GPATCH1: variants seen among roughly 807,000 people sequenced by gnomAD.
GPATCH1 encodes G-patch domain containing 1.
In GPATCH1, 73 loss-of-function variants were observed where a neutral mutation model predicts 114.9. That is an observed-to-expected ratio of 0.64 (90% CI 0.53 to 0.77). The LOEUF (loss-of-function observed/expected upper bound fraction) is 0.77. Among genes scored for constraint, GPATCH1 ranks in the 30% least tolerant of loss-of-function variants. The pLI, the probability that GPATCH1 is intolerant of heterozygous loss-of-function variation, is 0.00. For synonymous variants in GPATCH1, 391 were observed against 428.4 expected (o/e 0.91, Z 1.08); for missense variants, 1,058 against 1,144.3 (o/e 0.92, Z 1.09).
intron 19 of GPATCH1, among the ~76,000 whole-genome samples, chr19:33,127,954 G>T (rs1973061851): frequency 6.6e-6 from 1 of 152,118 alleles, no homozygotes; most frequent in African/African-American, 2.4e-5. Flanking sequence ...CTGACCTCAG[G>T]TGATACACCC....
chr19:33,089,948 T>C (rs1389097108), intron 2 of GPATCH1, among the ~76,000 whole-genome samples: 7 of 152,004 alleles, frequency 4.6e-5, no homozygotes, highest in African/African-American at 1.4e-4. Flanking sequence ...AATTGATTTA[T>C]TTTTTGAGAC....
chr19:33,106,195 G>A (rs900070153), intron 9 of GPATCH1, among the ~76,000 whole-genome samples: 1 of 151,864 alleles, frequency 6.6e-6, no homozygotes, highest in South Asian at 2.1e-4. Flanking sequence ...ATAGAGATGG[G>A]GTCTCATTCT....
chr19:33,098,720 G>C (rs1972691785), intron 8 of GPATCH1, among the ~76,000 whole-genome samples: 1 of 152,120 alleles, frequency 6.6e-6, no homozygotes, highest in Non-Finnish European at 1.5e-5. Flanking sequence ...CAAAGCACCT[G>C]TCCCAAAGAC....
At chr19:33,130,086 T>G (rs766385229) in intron 19 of GPATCH1, 44 bp from the exon 20 acceptor site, 30 of 1,258,976 alleles carry the variant, frequency 2.4e-5, no homozygotes, top group Admixed American at 4.9e-5. Flanking sequence ...GGTTTTTCAC[T>G]TTAGCTAACT....
chr19:33,129,022 C>T (rs994307438), intron 19 of GPATCH1, among the ~76,000 whole-genome samples: 10 of 151,980 alleles, frequency 6.6e-5, no homozygotes, highest in South Asian at 4.2e-4. Flanking sequence ...CCGAGGCAGG[C>T]GGATCATGAG....
At position 33,106,589 on chromosome 19, in the gene GPATCH1, C is replaced by T. The variant is rs35492529; in HGVS notation, c.1081-106C>T. ...GCTACCTGCCTGCTGAGTGTTAACC[C>T]GGGAAGGGGCGGGGTTAACAAGGCT... On this transcript the variant is annotated intron_variant, in intron 9 of 19. Coordinates refer to ENST00000170564, the MANE Select transcript of GPATCH1 (RefSeq NM_018025.3). 133 of 869,550 alleles carry T rather than the reference C, an allele frequency of 1.5e-4. 1 individual carries two copies. In the East Asian group the frequency reaches 2.8e-3, roughly 19 times the overall value. 53.9% of individuals were successfully genotyped at this position (869,550 alleles called of 1,614,324 possible).
At chr19:33,118,678 T>A (rs1461143981) in intron 16 of GPATCH1, among the ~76,000 whole-genome samples, 1 of 152,202 alleles carries the variant, frequency 6.6e-6, no homozygotes, top group Non-Finnish European at 1.5e-5. Context: ...GTTTGTAAGA[T>A]TTTCCTTCTC....
chr19:33,126,461 A>G, intron 18 of GPATCH1, 127 bp from the exon 19 acceptor site: 1 of 1,381,934 alleles, frequency 7.2e-7, no homozygotes, highest in South Asian at 1.3e-5. Flanking sequence ...ACTCTCACTC[A>G]CTCTAAATGA....
chr19:33,082,410 T>G (rs1972488532), intron 1 of GPATCH1, among the ~76,000 whole-genome samples: 1 of 152,186 alleles, frequency 6.6e-6, no homozygotes, highest in Non-Finnish European at 1.5e-5. Flanking sequence ...GTCCCCTCCC[T>G]TTTTTCACCC....
intron 3 of GPATCH1, among the ~76,000 whole-genome samples, chr19:33,091,413 CAAAAAAAAAAA>C (rs1184888892): frequency 4.5e-5 from 2 of 44,942 alleles, no homozygotes; most frequent in Non-Finnish European, 8.8e-5. Context: ...GACTCCGTCT[CAAAAAAAAAAA>C]AAAAAAAAAA....
intron 1 of GPATCH1, among the ~76,000 whole-genome samples, chr19:33,082,641 T>G (rs958587050): frequency 6.6e-6 from 1 of 151,964 alleles, no homozygotes; most frequent in Non-Finnish European, 1.5e-5. Context: ...GTCAGGAGTT[T>G]GAGACCAGCC....
intron 10 of GPATCH1, among the ~76,000 whole-genome samples, chr19:33,108,764 T>G (rs987683671): frequency 2.6e-5 from 4 of 152,116 alleles, no homozygotes; most frequent in Non-Finnish European, 5.9e-5. Context: ...CTCATGAGTG[T>G]TTGTCCCATT....
At chr19:33,097,523 G>T (rs1442395197) in intron 7 of GPATCH1, among the ~76,000 whole-genome samples, 2 of 152,178 alleles carry the variant, frequency 1.3e-5, no homozygotes, top group East Asian at 3.9e-4. Context: ...CATGGCTGTT[G>T]TGGGGACTGG....
intron 3 of GPATCH1, 51 bp downstream of exon 3, chr19:33,090,916 T>G (rs1972587512): frequency 1.7e-6 from 2 of 1,154,336 alleles, no homozygotes; most frequent in Non-Finnish European, 2.6e-6. Flanking sequence ...CAGGTCTAGT[T>G]GGTTGCTGTA....
intron 17 of GPATCH1, among the ~76,000 whole-genome samples, chr19:33,120,805 C>T (rs377756351): frequency 7.3e-5 from 11 of 151,692 alleles, no homozygotes; most frequent in South Asian, 2.1e-4. Context: ...CTGGCTAACA[C>T]GGTGAAACCC....
chr19:33,105,513 A>AGTT (rs941544537), intron 9 of GPATCH1, among the ~76,000 whole-genome samples: 3 of 151,514 alleles, frequency 2.0e-5, no homozygotes, highest in African/African-American at 4.9e-5. Flanking sequence ...AAATAACTAC[A>AGTT]GTTATTATTA....
At chr19:33,108,577 A>G (rs940808263) in intron 10 of GPATCH1, among the ~76,000 whole-genome samples, 1 of 150,790 alleles carries the variant, frequency 6.6e-6, no homozygotes, top group Non-Finnish European at 1.5e-5. Context: ...ACCACCATAT[A>G]ATCTGGTTAT....
chr19:33,102,058 G>A (rs1010551483), intron 9 of GPATCH1, among the ~76,000 whole-genome samples: 3 of 150,906 alleles, frequency 2.0e-5, no homozygotes, highest in Admixed American at 2.0e-4. Flanking sequence ...AGTTGGCCAG[G>A]CGTGGTGGCT....
chr19:33,090,872 G>C lies in GPATCH1; in HGVS notation c.294+7G>C. ...AGATTTTATGGATGAAGAGGTGCGTGTGCAAAACTTTAATTGCCAATTAGC... is the reference window on the plus strand; with the variant it reads ...AGATTTTATGGATGAAGAGGTGCGTCTGCAAAACTTTAATTGCCAATTAGC... On this transcript the variant is annotated splice_region_variant and intron_variant, in intron 3 of 19. Coordinates refer to ENST00000170564, the MANE Select transcript of GPATCH1 (RefSeq NM_018025.3). 1 of 1,593,058 alleles carries C rather than the reference G, an allele frequency of 6.3e-7. No homozygotes were observed. The highest frequency in any genetic ancestry group is 8.6e-7 in the Non-Finnish European group (1 of 1,161,230).
Sources: gnomAD v4.1 joint callset for allele counts (sites outside exome capture counted in the v4.1 genomes callset) on GRCh38, gnomAD v4.1.1 for gene constraint, MANE v1.5 for transcripts, NCBI Gene and HGNC (gene_info 2026-07-23, HGNC 2026-07-21) for gene names.